The following SPDYE5 variants were observed in gnomAD, a reference collection of about 807,000 sequenced individuals.
The protein encoded by SPDYE5 is speedy protein E5.
A neutral mutation model predicts 48.5 loss-of-function variants in SPDYE5; 15 were observed. The observed-to-expected ratio is 0.31, with a 90% CI of 0.21 to 0.48. The LOEUF is 0.48. Ranked by LOEUF, SPDYE5 falls within the 20% of genes least tolerant of loss-of-function variation. The probability of loss-of-function intolerance (pLI) is 0.99; values close to 1 mark genes in which losing one functional copy is unlikely to be tolerated. For synonymous variants in SPDYE5, 116 were observed against 200.7 expected, an observed-to-expected ratio of 0.58 and a Z score of 3.57; for missense variants, 331 against 549.1, an observed-to-expected ratio of 0.60 and a Z score of 3.97.
At position 75,493,876 on chromosome 7, in the gene SPDYE5, C is replaced by A; in HGVS notation, c.-172C>A. 1 of 1,446,228 alleles carries A rather than the reference C, an allele frequency of 6.9e-7. No homozygotes were observed. The highest frequency in any genetic ancestry group is 2.7e-5 in the Admixed American group (1 of 37,246). 89.6% of individuals were successfully genotyped at this position (1,446,228 alleles called of 1,614,324 possible). A position where few individuals can be genotyped will look rare whatever the true frequency, so the allele number is the denominator to read the frequency against. On this transcript the variant is annotated 5_prime_UTR_variant, in exon 2 of 9. Coordinates refer to ENST00000625065, the MANE Select transcript of SPDYE5 (RefSeq NM_001306141.4). ...AAACTGGTTGCCAGGTTGGCATGAGCGATGACATCAGAGATTCCGACCATC... is the reference window on the plus strand; with the variant it reads ...AAACTGGTTGCCAGGTTGGCATGAGAGATGACATCAGAGATTCCGACCATC...
Position 75,493,914 on chromosome 7 carries a change from A to C in SPDYE5, c.-134A>C. On this transcript the variant is annotated 5_prime_UTR_variant, in exon 2 of 9. Coordinates refer to ENST00000625065, the MANE Select transcript of SPDYE5 (RefSeq NM_001306141.4). ...GATTCCGACCATCCTGATTGGAGGG[A>C]CCGGACTCCGTGGTGCCTGGAGATC... is the stretch of plus-strand genomic sequence containing the variant. 1.3e-6 allele frequency: 2 copies of C among 1,481,730 alleles called. No individual in the cohort carries two copies. The highest frequency in any genetic ancestry group is 1.8e-6 in the Non-Finnish European group (2 of 1,118,970). 91.8% of individuals were successfully genotyped at this position (1,481,730 alleles called of 1,614,324 possible).
intron 6 of SPDYE5, among the ~76,000 whole-genome samples, chr7:75,499,657 C>G (rs781808830): frequency 2.7e-5 from 4 of 150,492 alleles, no homozygotes; most frequent in Non-Finnish European, 5.9e-5. Context: ...ATCCCAGCTA[C>G]TCGAGAGGCT....
intron 3 of SPDYE5, among the ~76,000 whole-genome samples, chr7:75,495,670 G>A (rs587679131): frequency 2.3e-4 from 35 of 152,306 alleles, no homozygotes; most frequent in African/African-American, 8.2e-4. Context: ...CTTGAACTCA[G>A]GACTTTGAGG....
intron 2 of SPDYE5, among the ~76,000 whole-genome samples, chr7:75,494,456 C>T (rs10441325): frequency 1.4e-5 from 2 of 145,608 alleles, no homozygotes; most frequent in East Asian, 2.0e-4. Context: ...CTGAGACAGG[C>T]GAATCACTTG....
rs1792825307 is a variant in SPDYE5 at position 75,493,880 on chromosome 7, G to A, written c.-168G>A. ...TGGTTGCCAGGTTGGCATGAGCGAT[G>A]ACATCAGAGATTCCGACCATCCTGA... On this transcript the variant is annotated 5_prime_UTR_variant, in exon 2 of 9. An upstream start codon of the reference 5' UTR is lost. Coordinates refer to ENST00000625065, the MANE Select transcript of SPDYE5 (RefSeq NM_001306141.4). 2.8e-6 allele frequency: 4 copies of A among 1,447,524 alleles called. No homozygotes were observed. The highest frequency in any genetic ancestry group is 3.6e-6 in the Non-Finnish European group (4 of 1,105,084). The allele number at this position is 1,447,524 out of a possible 1,614,324, so 89.7% of individuals were successfully genotyped here.
At chr7:75,495,822 T>C (rs1792903835) in intron 3 of SPDYE5, among the ~76,000 whole-genome samples, 3 of 152,006 alleles carry the variant, frequency 2.0e-5, no homozygotes, top group Admixed American at 2.0e-4. Context: ...GGTGGATCAC[T>C]TGAGGTCAGT....
At chr7:75,499,710 T>C (rs1419707347) in intron 6 of SPDYE5, among the ~76,000 whole-genome samples, 2 of 126,382 alleles carry the variant, frequency 1.6e-5, no homozygotes, top group African/African-American at 3.1e-5. Flanking sequence ...GAGGTTGCAG[T>C]AAGCTAAGGT....
rs782476992 is a variant in SPDYE5 at position 75,496,655 on chromosome 7, G to A, written c.380-19G>A. On this transcript the variant is annotated intron_variant, in intron 3 of 8. Transcript: ENST00000625065. ...TCAACTGCAGAAGCATTACACCATG[G>A]CCTGGTTTCTTTACTCAGCCCCTGG... 6.3e-7 allele frequency: 1 copy of A among 1,597,542 alleles called. No homozygotes were observed. The highest frequency in any genetic ancestry group is 8.5e-7 in the Non-Finnish European group (1 of 1,179,868).
chr7:75,499,067 C>T (rs1382891981), intron 5 of SPDYE5, among the ~76,000 whole-genome samples, 164 bp from the exon 6 acceptor site: 82 of 148,516 alleles, frequency 5.5e-4, no homozygotes, highest in African/African-American at 1.6e-3. Flanking sequence ...ATCCGACCTT[C>T]GAATACCCCT....
At position 75,493,885 on chromosome 7, in the gene SPDYE5, C is replaced by A; in HGVS notation, c.-163C>A. On this transcript the variant is annotated 5_prime_UTR_variant, in exon 2 of 9. The change creates a premature stop within an existing upstream ORF in the 5' untranslated region. Coordinates refer to ENST00000625065, the MANE Select transcript of SPDYE5 (RefSeq NM_001306141.4). ...GCCAGGTTGGCATGAGCGATGACAT[C>A]AGAGATTCCGACCATCCTGATTGGA... The A allele has an allele frequency of 2.7e-6, 4 of 1,455,086 alleles. No individual in the cohort carries two copies. The highest frequency in any genetic ancestry group is 3.6e-6 in the Non-Finnish European group (4 of 1,108,184). The allele number at this position is 1,455,086 out of a possible 1,614,324, so 90.1% of individuals were successfully genotyped here.
intron 2 of SPDYE5, 55 bp downstream of exon 2, chr7:75,494,262 G>T: frequency 2.0e-6 from 3 of 1,528,196 alleles, no homozygotes; most frequent in Non-Finnish European, 2.6e-6. Flanking sequence ...ACGAAGGAAG[G>T]GGGCCAGGTG....
intron 2 of SPDYE5, 40 bp from the exon 3 acceptor site, chr7:75,495,116 A>G (rs1339773466): frequency 8.2e-6 from 13 of 1,578,266 alleles, no homozygotes; most frequent in Non-Finnish European, 1.1e-5. Flanking sequence ...AGGTGATCAG[A>G]TGCAGAAGCA....
rs1468307655 is a variant in SPDYE5, at chr7:75,503,817, T to A, written c.*1030T>A. On this transcript the variant is annotated 3_prime_UTR_variant, in exon 9 of 9. Transcript: ENST00000625065. Reference sequence around the variant, plus strand: ...TTTATTAAATATATTTATTTAAATATTATTACTTGAAATATTATTTTAAAT... The same window carrying A: ...TTTATTAAATATATTTATTTAAATAATATTACTTGAAATATTATTTTAAAT... 8.0e-5 allele frequency: 12 copies of A among 150,190 alleles called. No individual in the cohort carries two copies. Among genetic ancestry groups the A allele is most frequent in the South Asian group, 4.1e-4 (2 of 4,828 alleles). 9.3% of individuals were successfully genotyped at this position (150,190 alleles called of 1,614,324 possible).
At chr7:75,492,923 A>C (rs1220066163) in intron 1 of SPDYE5, among the ~76,000 whole-genome samples, 9 of 152,174 alleles carry the variant, frequency 5.9e-5, no homozygotes, top group Non-Finnish European at 8.8e-5. Flanking sequence ...GAGTCTCCCA[A>C]GTAGTTGGAA....
At chr7:75,492,930 G>A (rs1792789321) in intron 1 of SPDYE5, among the ~76,000 whole-genome samples, 2 of 152,094 alleles carry the variant, frequency 1.3e-5, no homozygotes, top group African/African-American at 4.8e-5. Context: ...CCAAGTAGTT[G>A]GAACACAGGT....
In SPDYE5 at chr7:75,503,420, TA is replaced by T. The variant is rs1793220165; in HGVS notation, c.*636del. On this transcript the variant is annotated 3_prime_UTR_variant, in exon 9 of 9. Coordinates refer to ENST00000625065, the MANE Select transcript of SPDYE5 (RefSeq NM_001306141.4). Reference sequence around the variant, plus strand: ...GAGAGTTATAGTTGTTATATATACATAAAGATAATTTTCTTTTCATTTTTAA... The same window carrying T: ...GAGAGTTATAGTTGTTATATATACATAAGATAATTTTCTTTTCATTTTTAA... 6.5e-6 allele frequency: 1 copy of T among 154,398 alleles called. No homozygotes were observed. Among genetic ancestry groups the T allele is most frequent in the African/African-American group, 2.4e-5 (1 of 41,434 alleles). The allele number at this position is 154,398 out of a possible 1,614,324, so 9.6% of individuals were successfully genotyped here. A position where few individuals can be genotyped will look rare whatever the true frequency, so the allele number is the denominator to read the frequency against.
chr7:75,498,139 T>G (rs1484717251), intron 5 of SPDYE5, 143 bp downstream of exon 5: 15 of 991,142 alleles, frequency 1.5e-5, no homozygotes, highest in Admixed American at 3.1e-5. Context: ...TTTTTTTTTT[T>G]TGTGAGACAG....
chr7:75,501,275 C>T (rs1179024146), intron 6 of SPDYE5, 87 bp from the exon 7 acceptor site: 6 of 1,596,382 alleles, frequency 3.8e-6, no homozygotes, highest in Middle Eastern at 2.3e-4. Context: ...TAGGGACGGT[C>T]CCTTACCTTC....
chr7:75,502,611 G>A lies in SPDYE5; in HGVS notation c.*46-222G>A, dbSNP rs191790568. Among the ~76,000 whole-genome samples the A allele has an allele frequency of 7.6e-3, 1,133 of 149,190 alleles. 14 individuals are homozygous for A. The highest frequency in any genetic ancestry group is 0.027 in the African/African-American group (1,061 of 38,916). On this transcript the variant is annotated intron_variant, in intron 8 of 8. Coordinates refer to ENST00000625065, the MANE Select transcript of SPDYE5 (RefSeq NM_001306141.4). ...AGTCCTTGCTATGAAGCAGATCACT[G>A]GGGCTGACCTTGGGTGTATTAAGTG...
Sources: allele counts gnomAD v4.1 joint callset (sites outside exome capture counted in the v4.1 genomes callset), GRCh38; gene constraint gnomAD v4.1.1; transcripts MANE v1.5; gene names NCBI Gene and HGNC (gene_info 2026-07-23, HGNC 2026-07-21).